MAGI2: variants seen among roughly 807,000 people sequenced by gnomAD.
MAGI2 encodes membrane-associated guanylate kinase, WW and PDZ domain-containing protein 2.
In MAGI2, 35 loss-of-function variants were observed where a neutral mutation model predicts 133.3. The observed-to-expected ratio is 0.26, with a 90% CI of 0.20 to 0.35. MAGI2 has a LOEUF of 0.35. MAGI2 is among the 10% of genes least tolerant of loss of function. The pLI, the probability that MAGI2 is intolerant of heterozygous loss-of-function variation, is 1.00. For synonymous variants in MAGI2, 729 were observed against 710.6 expected, an observed-to-expected ratio of 1.03 and a Z score of -0.41; for missense variants, 1,636 against 1,863.4, an observed-to-expected ratio of 0.88 and a Z score of 2.25.
rs982105642 is a variant in MAGI2, at chr7:78,990,941, C to CACACAG, written c.418+16148_418+16149insCTGTGT. Among the ~76,000 whole-genome samples, 74 of 146,752 alleles carry CACACAG rather than the reference C, an allele frequency of 5.0e-4. 1 individual carries two copies. Among genetic ancestry groups the CACACAG allele is most frequent in the East Asian group, 2.2e-3 (10 of 4,608 alleles). ...ACACACACACACACACACACACACACAGAGATATGGTTTGGCTTTTTGTCC... is the reference window on the plus strand; with the variant it reads ...ACACACACACACACACACACACACACACACAGAGAGATATGGTTTGGCTTTTTGTCC... On this transcript the variant is annotated intron_variant, in intron 2 of 21. Transcript: ENST00000354212.
intron 2 of MAGI2, among the ~76,000 whole-genome samples, chr7:78,690,944 A>G (rs922775739): frequency 3.3e-5 from 5 of 152,192 alleles, no homozygotes; most frequent in Non-Finnish European, 2.9e-5. Context: ...TGCACTAAAC[A>G]TGCACATTCA....
chr7:78,730,393 C>A (rs1821253879), intron 2 of MAGI2, among the ~76,000 whole-genome samples: 1 of 134,302 alleles, frequency 7.4e-6, no homozygotes, highest in Non-Finnish European at 1.6e-5. Context: ...ACCTTTCTTC[C>A]AAGCCACTAA....
chr7:78,979,377 T>C (rs1804585740), intron 2 of MAGI2, among the ~76,000 whole-genome samples: 1 of 151,794 alleles, frequency 6.6e-6, no homozygotes, highest in African/African-American at 2.4e-5. Flanking sequence ...GCTGGGATTA[T>C]ATCAAAGTGA....
chr7:78,213,179 T>C (rs1440623793), intron 10 of MAGI2, among the ~76,000 whole-genome samples: 1 of 77,918 alleles, frequency 1.3e-5, no homozygotes, highest in Non-Finnish European at 3.5e-5. Context: ...GAGCATTTGC[T>C]TTGGGATTTC....
chr7:78,317,547 G>A (rs528446062), intron 9 of MAGI2, among the ~76,000 whole-genome samples: 3 of 152,334 alleles, frequency 2.0e-5, no homozygotes, highest in African/African-American at 4.8e-5. Context: ...GGGAAGGCGC[G>A]GCTGTGGGCG....
intron 1 of MAGI2, among the ~76,000 whole-genome samples, chr7:79,304,181 A>ATGTGTGTGTGTGTGTGTGTGTG (rs373644525): frequency 2.1e-5 from 3 of 142,164 alleles, no homozygotes; most frequent in African/African-American, 5.3e-5. Context: ...TTCAACTGGG[A>ATGTGTGTGTGTGTGTGTGTGTG]TGTGTGTGTG....
intron 1 of MAGI2, among the ~76,000 whole-genome samples, chr7:79,105,265 C>G (rs564282100): frequency 6.6e-6 from 1 of 152,236 alleles, no homozygotes; most frequent in African/African-American, 2.4e-5. Flanking sequence ...AATGAAAAAT[C>G]CTGTATTTAA....
intron 1 of MAGI2, among the ~76,000 whole-genome samples, chr7:79,216,018 G>A (rs1272364798): frequency 1.3e-5 from 2 of 151,844 alleles, no homozygotes; most frequent in African/African-American, 2.4e-5. Flanking sequence ...AGCGCTAAAT[G>A]GGAACAGACA....
intron 3 of MAGI2, among the ~76,000 whole-genome samples, chr7:78,540,290 C>T (rs2150666079): frequency 6.6e-6 from 1 of 152,256 alleles, no homozygotes; most frequent in South Asian, 2.1e-4. Flanking sequence ...GGTTCTCAGG[C>T]CAATGGAGTT....
At chr7:78,580,497 CAGA>C (rs1369160823) in intron 3 of MAGI2, among the ~76,000 whole-genome samples, 3 of 152,278 alleles carry the variant, frequency 2.0e-5, no homozygotes, top group East Asian at 1.9e-4. Flanking sequence ...ACTGGTGAGG[CAGA>C]AGAAGAATCA....
intron 3 of MAGI2, among the ~76,000 whole-genome samples, chr7:78,578,826 A>C (rs1299926874): frequency 6.6e-6 from 1 of 152,188 alleles, no homozygotes; most frequent in Admixed American, 6.5e-5. Context: ...CTCGGGGTTG[A>C]CCTGATGCCT....
intron 2 of MAGI2, among the ~76,000 whole-genome samples, chr7:78,638,126 A>T (rs942295315): frequency 6.6e-6 from 1 of 152,126 alleles, no homozygotes; most frequent in African/African-American, 2.4e-5. Flanking sequence ...ACCTGAACTA[A>T]AAAACCTGTC....
chr7:78,282,723 G>T lies in MAGI2; in HGVS notation c.1409-26142C>A, dbSNP rs114758122. ...CCTAAATATAATTCTGAAATAAAAT[G>T]GTGCAGGGTGATTCAACTGATCAAT... On this transcript the variant is annotated intron_variant, in intron 9 of 21. Transcript: ENST00000354212. Among the ~76,000 whole-genome samples the T allele has an allele frequency of 5.7e-3, 864 of 152,120 alleles. 5 individuals carry two copies. Among genetic ancestry groups the T allele is most frequent in the African/African-American group, 0.02 (814 of 41,506 alleles).
At chr7:78,189,020 C>A (rs1827962390) in intron 12 of MAGI2, among the ~76,000 whole-genome samples, 1 of 152,142 alleles carries the variant, frequency 6.6e-6, no homozygotes, top group African/African-American at 2.4e-5. Flanking sequence ...AATACGATTA[C>A]AGTACCCCAT....
chr7:78,240,964 T>A (rs1791074506), intron 10 of MAGI2, among the ~76,000 whole-genome samples: 1 of 152,146 alleles, frequency 6.6e-6, no homozygotes, highest in Non-Finnish European at 1.5e-5. Context: ...CCCATCACTT[T>A]CCTTTGTCTG....
intron 21 of MAGI2, among the ~76,000 whole-genome samples, chr7:78,059,954 C>G (rs1033198765): frequency 1.1e-4 from 16 of 152,238 alleles, no homozygotes; most frequent in African/African-American, 3.9e-4. Context: ...CTAACATTAG[C>G]TCTCATTCCA....
Position 78,070,643 on chromosome 7 carries a change from TA to T in MAGI2, c.3706+8303del, listed in dbSNP as rs1350262460. 7.6e-5 allele frequency among the ~76,000 whole-genome samples: 7 copies of T among 92,136 alleles called. 1 individual carries two copies. Among genetic ancestry groups the T allele is most frequent in the South Asian group, 9.1e-4 (2 of 2,196 alleles). The allele number at this position is 92,136 out of a possible 152,430, so 60.4% of individuals were successfully genotyped here. On this transcript the variant is annotated intron_variant, in intron 21 of 21. Transcript: ENST00000354212. ...GTGTGTGTGTGTGTATATATATATA[TA>T]TTTTTTTTTTTTTTTTAGACGGAGT...
intron 2 of MAGI2, among the ~76,000 whole-genome samples, chr7:78,817,802 T>G (rs182379171): frequency 3.7e-4 from 56 of 151,956 alleles, no homozygotes; most frequent in African/African-American, 1.1e-3. Context: ...CTCTGCCTCC[T>G]GGGTTCAAGC....
At chr7:78,493,776 C>A (rs1482078285) in intron 5 of MAGI2, among the ~76,000 whole-genome samples, 1 of 152,116 alleles carries the variant, frequency 6.6e-6, no homozygotes, top group African/African-American at 2.4e-5. Flanking sequence ...CTTTTACCTA[C>A]TGTTTATGGA....
Sources: gnomAD v4.1 joint callset for allele counts (sites outside exome capture counted in the v4.1 genomes callset) on GRCh38, gnomAD v4.1.1 for gene constraint, MANE v1.5 for transcripts, NCBI Gene and HGNC (gene_info 2026-07-23, HGNC 2026-07-21) for gene names.